NAA25: variants seen among roughly 807,000 people sequenced by gnomAD.
The protein encoded by NAA25 is N-terminal acetyltransferase B complex subunit NAA25.
A neutral mutation model predicts 132.5 loss-of-function variants in NAA25; 30 were observed. That is an observed-to-expected ratio of 0.23 (90% CI 0.17 to 0.31). The LOEUF (loss-of-function observed/expected upper bound fraction) is 0.31. NAA25 is among the 10% of genes least tolerant of loss of function. The probability of loss-of-function intolerance (pLI) is 1.00; values close to 1 mark genes in which losing one functional copy is unlikely to be tolerated. For synonymous variants in NAA25, 359 were observed against 401.9 expected (o/e 0.89, Z 1.28); for missense variants, 771 against 1,150.4 (o/e 0.67, Z 4.77).
intron 7 of NAA25, among the ~76,000 whole-genome samples, chr12:112,076,367 A>G (rs1410418295): frequency 6.6e-6 from 1 of 152,196 alleles, no homozygotes; most frequent in Non-Finnish European, 1.5e-5. Flanking sequence ...ACATCTATTA[A>G]TAGTACATGG....
intron 10 of NAA25, among the ~76,000 whole-genome samples, chr12:112,070,573 T>A (rs922487813): frequency 3.3e-5 from 5 of 152,190 alleles, no homozygotes; most frequent in African/African-American, 7.2e-5. Flanking sequence ...TATTTTTTTT[T>A]AATTTTTTGT....
At chr12:112,042,976 C>A in intron 19 of NAA25, 112 bp downstream of exon 19, 1 of 1,028,884 alleles carries the variant, frequency 9.7e-7, no homozygotes, top group Non-Finnish European at 1.4e-6. Flanking sequence ...TGCAGAACAG[C>A]TTCCAGCTTC....
chr12:112,081,026 C>G lies in NAA25; in HGVS notation c.477+34G>C, dbSNP rs368075589. On this transcript the variant is annotated intron_variant, in intron 5 of 23. Coordinates refer to ENST00000261745, the MANE Select transcript of NAA25 (RefSeq NM_024953.4). Reference sequence around the variant, plus strand: ...ACAATAACTATATAAAAAATAAAACCAAACCTCAATCCCATTCTGAATGCC... The same window carrying G: ...ACAATAACTATATAAAAAATAAAACGAAACCTCAATCCCATTCTGAATGCC... 2.3e-4 allele frequency: 357 copies of G among 1,554,910 alleles called. 3 individuals are homozygous for G. The highest frequency in any genetic ancestry group is 1.1e-3 in the South Asian group (100 of 89,476).
Position 112,033,388 on chromosome 12 carries a change from A to C in NAA25, c.2650-9T>G, listed in dbSNP as rs753945836. On this transcript the variant is annotated splice_polypyrimidine_tract_variant and intron_variant, in intron 22 of 23. Coordinates refer to ENST00000261745, the MANE Select transcript of NAA25 (RefSeq NM_024953.4). ...CTGGTAAAGACAGGTGGCTGGGAAA[A>C]AGATTAAAAAAGAGTTGAAACATTA... 3 of 1,592,160 alleles carry C rather than the reference A, an allele frequency of 1.9e-6. No homozygotes were observed. Among genetic ancestry groups the C allele is most frequent in the South Asian group, 1.2e-5 (1 of 86,744 alleles).
intron 5 of NAA25, among the ~76,000 whole-genome samples, chr12:112,080,677 T>C (rs2136907637): frequency 6.6e-6 from 1 of 152,156 alleles, no homozygotes; most frequent in East Asian, 1.9e-4. Context: ...ATTTTTATAT[T>C]TTTAGTAGAG....
At chr12:112,095,558 G>A (rs1198518157) in intron 1 of NAA25, among the ~76,000 whole-genome samples, 3 of 148,736 alleles carry the variant, frequency 2.0e-5, no homozygotes, top group African/African-American at 7.5e-5. Context: ...TTGCACTACT[G>A]CACTCCAGCC....
chr12:112,057,959 G>A (rs1483013453), intron 13 of NAA25, among the ~76,000 whole-genome samples: 1 of 151,986 alleles, frequency 6.6e-6, no homozygotes, highest in East Asian at 1.9e-4. Context: ...CCAGTCTGGC[G>A]ACAGAGCGAG....
At chr12:112,089,284 C>A (rs1163894069) in intron 3 of NAA25, among the ~76,000 whole-genome samples, 1 of 152,162 alleles carries the variant, frequency 6.6e-6, no homozygotes, top group African/African-American at 2.4e-5. Flanking sequence ...ATGTTACAAT[C>A]TGAGCTATTT....
At chr12:112,081,480 C>A (rs976803738) in intron 4 of NAA25, among the ~76,000 whole-genome samples, 2 of 152,152 alleles carry the variant, frequency 1.3e-5, no homozygotes, top group African/African-American at 2.4e-5. Context: ...ACCATACTAA[C>A]CAGTTATTAG....
intron 17 of NAA25, among the ~76,000 whole-genome samples, chr12:112,046,993 T>A (rs2078391457): frequency 6.6e-6 from 1 of 152,186 alleles, no homozygotes; most frequent in South Asian, 2.1e-4. Flanking sequence ...TATATTTTCT[T>A]CTAGAATTTC....
intron 4 of NAA25, among the ~76,000 whole-genome samples, chr12:112,084,005 C>A (rs1224058305): frequency 1.3e-5 from 2 of 151,988 alleles, no homozygotes; most frequent in Non-Finnish European, 2.9e-5. Context: ...ATATAAAATG[C>A]AAGGCAAAAA....
chr12:112,084,505 C>T (rs1013994439), intron 4 of NAA25, among the ~76,000 whole-genome samples: 4 of 152,126 alleles, frequency 2.6e-5, no homozygotes, highest in African/African-American at 7.2e-5. Context: ...ATTAGCCAGG[C>T]GTGGGCGGGG....
chr12:112,079,920 T>C (rs556867637), intron 5 of NAA25, among the ~76,000 whole-genome samples: 3 of 152,174 alleles, frequency 2.0e-5, no homozygotes, highest in Middle Eastern at 3.4e-3. Flanking sequence ...AACCCAGCAA[T>C]AGATTAGAGA....
Position 112,074,812 on chromosome 12 carries a change from C to T in NAA25, c.777-48G>A, listed in dbSNP as rs780649667. 5 of 1,230,258 alleles carry T rather than the reference C, an allele frequency of 4.1e-6. No individual in the cohort carries two copies. In the African/African-American group the frequency reaches 6.0e-5, roughly 15 times the overall value. 76.2% of individuals were successfully genotyped at this position (1,230,258 alleles called of 1,614,324 possible). A position where few individuals can be genotyped will look rare whatever the true frequency, so the allele number is the denominator to read the frequency against. ...ACACAGGATTAAACCCAAGTTGTGA[C>T]AGATCTTCCTTAGGAACCATGATAT... On this transcript the variant is annotated intron_variant, in intron 8 of 23. Transcript: ENST00000261745.
intron 20 of NAA25, 63 bp downstream of exon 20, chr12:112,041,976 A>G: frequency 2.0e-6 from 2 of 992,980 alleles, no homozygotes; most frequent in Non-Finnish European, 2.9e-6. Flanking sequence ...TAGGGGAAAG[A>G]ACTTCGAAGC....
chr12:112,100,142 A>C (rs185777461), intron 1 of NAA25, among the ~76,000 whole-genome samples: 20 of 152,298 alleles, frequency 1.3e-4, no homozygotes, highest in Admixed American at 4.6e-4. Context: ...AATGCCTCCT[A>C]ACTGACCGAC....
chr12:112,054,285 G>A, intron 14 of NAA25, 103 bp downstream of exon 14: 1 of 1,007,168 alleles, frequency 9.9e-7, no homozygotes. Context: ...TATTTAATCA[G>A]AAAGGCTTAA....
intron 11 of NAA25, chr12:112,063,789 C>T (rs572137097): frequency 6.6e-6 from 1 of 152,004 alleles, no homozygotes; most frequent in Non-Finnish European, 1.5e-5. Flanking sequence ...AGGAAAATAA[C>T]AAAAAATTTA....
intron 17 of NAA25, among the ~76,000 whole-genome samples, 170 bp downstream of exon 17, chr12:112,047,495 G>C (rs2078404748): frequency 6.6e-6 from 1 of 152,100 alleles, no homozygotes; most frequent in Admixed American, 6.5e-5. Context: ...GCCTCCCAAA[G>C]TGCTGCAATT....
Sources: gnomAD v4.1 joint callset for allele counts (sites outside exome capture counted in the v4.1 genomes callset) on GRCh38, gnomAD v4.1.1 for gene constraint, MANE v1.5 for transcripts, NCBI Gene and HGNC (gene_info 2026-07-23, HGNC 2026-07-21) for gene names.